Variants in SLC8A1 observed in about 807,000 individuals in gnomAD.
SLC8A1 encodes the protein solute carrier family 8 member A1, also known as sodium/calcium exchanger 1.
In SLC8A1, 18 loss-of-function variants were observed where a neutral mutation model predicts 68.3. The ratio of observed to expected loss-of-function variants is 0.26; its 90% CI spans 0.18 to 0.39. The LOEUF is 0.39. Ranked by LOEUF, SLC8A1 falls within the 10% of genes least tolerant of loss-of-function variation. The pLI is 1.00. For synonymous variants in SLC8A1, 475 were observed against 415.5 expected, an observed-to-expected ratio of 1.14 and a Z score of -1.74; for missense variants, 985 against 1,156.7, an observed-to-expected ratio of 0.85 and a Z score of 2.15.
chr2:40,423,691 T>A (rs1318440508), intron 2 of SLC8A1, among the ~76,000 whole-genome samples: 2 of 152,020 alleles, frequency 1.3e-5, no homozygotes, highest in African/African-American at 2.4e-5. Flanking sequence ...AATAAGATTA[T>A]AATAGCAAAT....
intron 2 of SLC8A1, among the ~76,000 whole-genome samples, chr2:40,315,312 A>C (rs1181395889): frequency 7.9e-5 from 12 of 151,898 alleles, no homozygotes; most frequent in Non-Finnish European, 1.6e-4. Context: ...TATGGTTAAC[A>C]TTTTATTATT....
chr2:40,405,486 C>A (rs912036090), intron 2 of SLC8A1, among the ~76,000 whole-genome samples: 1 of 152,146 alleles, frequency 6.6e-6, no homozygotes, highest in Non-Finnish European at 1.5e-5. Flanking sequence ...AACAGTTGTC[C>A]GCTTTTCCAG....
intron 2 of SLC8A1, among the ~76,000 whole-genome samples, chr2:40,390,862 T>A (rs1685034533): frequency 6.6e-6 from 1 of 151,780 alleles, no homozygotes; most frequent in Admixed American, 6.6e-5. Context: ...TGTACCCAAT[T>A]TGATAGACAT....
chr2:40,170,652 T>G (rs1303529549), intron 4 of SLC8A1, among the ~76,000 whole-genome samples: 2 of 152,172 alleles, frequency 1.3e-5, no homozygotes, highest in Non-Finnish European at 2.9e-5. Flanking sequence ...GTATCTTAAA[T>G]GATGTGTCAA....
At chr2:40,442,444 G>T (rs1700689107) in intron 1 of SLC8A1, among the ~76,000 whole-genome samples, 4 of 147,026 alleles carry the variant, frequency 2.7e-5, no homozygotes, top group Non-Finnish European at 6.0e-5. Flanking sequence ...CAAAGGATAT[G>T]ATATGAACAG....
chr2:40,412,307 T>C (rs909404587), intron 2 of SLC8A1, among the ~76,000 whole-genome samples: 1 of 152,166 alleles, frequency 6.6e-6, no homozygotes, highest in Non-Finnish European at 1.5e-5. Context: ...ACCTCACATA[T>C]AACTAGTTTT....
chr2:40,318,816 G>C (rs1411040564), intron 2 of SLC8A1, among the ~76,000 whole-genome samples: 2 of 152,120 alleles, frequency 1.3e-5, no homozygotes, highest in Admixed American at 6.6e-5. Flanking sequence ...GCTATATCAA[G>C]TGCCTACTGT....
intron 4 of SLC8A1, among the ~76,000 whole-genome samples, chr2:40,166,889 T>C (rs2046635347): frequency 6.6e-6 from 1 of 152,214 alleles, no homozygotes; most frequent in Non-Finnish European, 1.5e-5. Context: ...GAAGGAATAT[T>C]ACAACTTGGA....
At position 40,450,828 on chromosome 2, in the gene SLC8A1, C is replaced by T. The variant is rs187830552; in HGVS notation, c.-25+1076G>A. 4.9e-4 allele frequency among the ~76,000 whole-genome samples: 75 copies of T among 152,342 alleles called. 1 individual carries two copies. The highest frequency in any genetic ancestry group is 3.4e-3 in the Middle Eastern group (1 of 294). On this transcript the variant is annotated intron_variant, in intron 1 of 7. Coordinates refer to ENST00000406785, the Ensembl canonical transcript of SLC8A1. ...ATGACTTTCCAATGACTGCGTACAA[C>T]ATGCACATTGCTCTCTTCTAAAAAT... is the stretch of plus-strand genomic sequence containing the variant.
intron 2 of SLC8A1, among the ~76,000 whole-genome samples, chr2:40,221,490 C>T (rs1322147529): frequency 6.6e-6 from 1 of 152,146 alleles, no homozygotes; most frequent in Non-Finnish European, 1.5e-5. Flanking sequence ...GATGCCCTCT[C>T]TCACCACTCC....
chr2:40,468,658 T>A (rs1025916205), intron 1 of SLC8A1, among the ~76,000 whole-genome samples: 3 of 152,174 alleles, frequency 2.0e-5, no homozygotes, highest in African/African-American at 7.2e-5. Flanking sequence ...TTCAAACATA[T>A]GCAAAGCAGA....
intron 2 of SLC8A1, among the ~76,000 whole-genome samples, chr2:40,287,376 T>A (rs192988882): frequency 1.3e-5 from 2 of 152,222 alleles, no homozygotes; most frequent in East Asian, 3.9e-4. Flanking sequence ...CTATACGTGT[T>A]CTCAGTGATG....
chr2:40,331,366 A>T (rs1170880426), intron 2 of SLC8A1, among the ~76,000 whole-genome samples: 3 of 152,150 alleles, frequency 2.0e-5, no homozygotes, highest in Non-Finnish European at 2.9e-5. Flanking sequence ...ATCATAAAAC[A>T]CACACACATA....
intron 2 of SLC8A1, among the ~76,000 whole-genome samples, chr2:40,422,018 G>A (rs1289530928): frequency 6.6e-6 from 1 of 152,238 alleles, no homozygotes; most frequent in East Asian, 1.9e-4. Context: ...GAACTGCAAG[G>A]CACTATGGGA....
chr2:40,361,274 T>C (rs1674539866), intron 2 of SLC8A1, among the ~76,000 whole-genome samples: 1 of 152,158 alleles, frequency 6.6e-6, no homozygotes, highest in Non-Finnish European at 1.5e-5. Flanking sequence ...CAACCAGACA[T>C]CCAGGCATTT....
intron 1 of SLC8A1, among the ~76,000 whole-genome samples, chr2:40,462,262 C>T (rs958795337): frequency 6.6e-6 from 1 of 151,782 alleles, no homozygotes; most frequent in Non-Finnish European, 1.5e-5. Flanking sequence ...CCACCTCGGC[C>T]TCCCAAAATG....
intron 2 of SLC8A1, among the ~76,000 whole-genome samples, chr2:40,222,062 G>A (rs1197343706): frequency 1.3e-5 from 2 of 151,994 alleles, no homozygotes; most frequent in African/African-American, 2.4e-5. Context: ...GTGTAGCCAA[G>A]ACAATCCTAA....
At chr2:40,209,457 A>C (rs2056162804) in intron 2 of SLC8A1, among the ~76,000 whole-genome samples, 1 of 152,150 alleles carries the variant, frequency 6.6e-6, no homozygotes, top group African/African-American at 2.4e-5. Context: ...TGGTGGGGCC[A>C]GATCACATGG....
intron 2 of SLC8A1, among the ~76,000 whole-genome samples, chr2:40,236,470 C>G (rs2060388748): frequency 6.6e-6 from 1 of 152,180 alleles, no homozygotes; most frequent in South Asian, 2.1e-4. Flanking sequence ...TTCCTCCATC[C>G]TTTTATTTTG....
Sources: gnomAD v4.1 joint callset for allele counts (sites outside exome capture counted in the v4.1 genomes callset) on GRCh38, gnomAD v4.1.1 for gene constraint, MANE v1.5 for transcripts, NCBI Gene and HGNC (gene_info 2026-07-23, HGNC 2026-07-21) for gene names.